FGFR2: variants seen among roughly 807,000 people sequenced by gnomAD.
FGFR2 encodes the protein fibroblast growth factor receptor 2.
A neutral mutation model predicts 95.9 loss-of-function variants in FGFR2; 19 were observed. That is an observed-to-expected ratio of 0.20 (90% CI 0.14 to 0.29). The LOEUF is 0.29. Ranked by LOEUF, FGFR2 falls within the 10% of genes least tolerant of loss-of-function variation. The pLI is 1.00. For missense variants in FGFR2, 707 were observed against 1,056.9 expected, an observed-to-expected ratio of 0.67 and a Z score of 4.59; for synonymous variants, 392 against 393.3, an observed-to-expected ratio of 1.00 and a Z score of 0.04.
intron 8 of FGFR2, among the ~76,000 whole-genome samples, chr10:121,516,364 T>C (rs556183077): frequency 6.6e-6 from 1 of 152,342 alleles, no homozygotes; most frequent in Admixed American, 6.5e-5. Flanking sequence ...GATGCAATGG[T>C]ATTATTGAAA....
intron 4 of FGFR2, among the ~76,000 whole-genome samples, chr10:121,556,753 G>A (rs1480720843): frequency 1.3e-5 from 2 of 152,044 alleles, no homozygotes; most frequent in African/African-American, 2.4e-5. Context: ...TATTTTTATG[G>A]ATGCAAAAAA....
At position 121,479,513 on chromosome 10, in the gene FGFR2, C is replaced by T; in HGVS notation, c.*344G>A. 1.5e-6 allele frequency: 2 copies of T among 1,317,610 alleles called. No individual in the cohort carries two copies. Among genetic ancestry groups the T allele is most frequent in the Non-Finnish European group, 2.1e-6 (2 of 950,176 alleles). 81.6% of individuals were successfully genotyped at this position (1,317,610 alleles called of 1,614,324 possible). A position where few individuals can be genotyped will look rare whatever the true frequency, so the allele number is the denominator to read the frequency against. On this transcript the variant is annotated 3_prime_UTR_variant, in exon 18 of 18. Coordinates refer to ENST00000358487, the MANE Select transcript of FGFR2 (RefSeq NM_000141.5). ...TGCATTTGTGCTCTGTAAGTGTGTGCTGACATAAATCTTCTCCAATTATTA... is the reference window on the plus strand; with the variant it reads ...TGCATTTGTGCTCTGTAAGTGTGTGTTGACATAAATCTTCTCCAATTATTA...
intron 2 of FGFR2, among the ~76,000 whole-genome samples, chr10:121,570,764 C>G (rs1371510206): frequency 6.6e-6 from 1 of 152,178 alleles, no homozygotes; most frequent in Non-Finnish European, 1.5e-5. Context: ...AAGAAGCAAG[C>G]AAGCTTCACA....
chr10:121,586,423 T>C (rs529870818), intron 2 of FGFR2, among the ~76,000 whole-genome samples: 1 of 152,336 alleles, frequency 6.6e-6, no homozygotes, highest in Non-Finnish European at 1.5e-5. Context: ...GAATTTACCA[T>C]TCTTTAGTTA....
chr10:121,524,149 C>CCT (rs1390521916), intron 6 of FGFR2, among the ~76,000 whole-genome samples: 4 of 150,266 alleles, frequency 2.7e-5, no homozygotes, highest in Non-Finnish European at 5.9e-5. Context: ...CACACACACC[C>CCT]CAAGTTTGCA....
chr10:121,564,462 C>T (rs752326498), intron 4 of FGFR2, 40 bp downstream of exon 4: 3 of 1,567,902 alleles, frequency 1.9e-6, no homozygotes, highest in Non-Finnish European at 2.6e-6. Flanking sequence ...TCCCTCCATG[C>T]TCCTCTCTCG....
chr10:121,507,841 G>A (rs1268793193), intron 9 of FGFR2, among the ~76,000 whole-genome samples: 1 of 152,168 alleles, frequency 6.6e-6, no homozygotes, highest in Non-Finnish European at 1.5e-5. Flanking sequence ...GGTTCTGTGT[G>A]TAAGATACAG....
At chr10:121,567,509 C>T (rs569345928) in intron 2 of FGFR2, among the ~76,000 whole-genome samples, 9 of 152,298 alleles carry the variant, frequency 5.9e-5, no homozygotes, top group South Asian at 2.1e-4. Context: ...CTGGAAGCTC[C>T]GCAGCAAGAG....
Position 121,500,933 on chromosome 10 carries a change from T to C in FGFR2, c.1454A>G (p.Lys485Arg), listed in dbSNP as rs2134012510. 4 of 1,614,150 alleles carry C rather than the reference T, an allele frequency of 2.5e-6. No individual in the cohort carries two copies. Among genetic ancestry groups the C allele is most frequent in the Non-Finnish European group, 3.4e-6 (4 of 1,180,036 alleles). Residue 485 changes from lysine to arginine, a missense_variant, in exon 11 of 18, where the codon AAG becomes AGG. Lys to Arg is a conservative substitution (Grantham distance 26, BLOSUM62 2). Transcript: ENST00000358487. ...CCCAAAGCAACCTTCTCCCAGGGGC[T>C]TGCCCAGTGTCAGCCTAAATGTGTA... Reference protein sequence around the residue: ...EFPRDKLTLGKPLGEGCFGQV... With the variant: ...EFPRDKLTLGRPLGEGCFGQV...
At chr10:121,541,683 C>A (rs750106840) in intron 5 of FGFR2, among the ~76,000 whole-genome samples, 1 of 152,022 alleles carries the variant, frequency 6.6e-6, no homozygotes. Context: ...ATTAACGATC[C>A]GGGAAATGCA....
intron 1 of FGFR2, chr10:121,596,411 G>A (rs1385628626): frequency 1.5e-5 from 3 of 196,144 alleles, no homozygotes; most frequent in African/African-American, 6.9e-5. Context: ...CCAATACAGT[G>A]CCCTCCGCTT....
At chr10:121,539,139 T>C (rs1208615899) in intron 5 of FGFR2, among the ~76,000 whole-genome samples, 1 of 152,226 alleles carries the variant, frequency 6.6e-6, no homozygotes, top group Non-Finnish European at 1.5e-5. Flanking sequence ...CTAACATTTA[T>C]AGTGAGCATT....
At chr10:121,505,043 G>T (rs1393356816) in intron 9 of FGFR2, among the ~76,000 whole-genome samples, 1 of 152,218 alleles carries the variant, frequency 6.6e-6, no homozygotes, top group Non-Finnish European at 1.5e-5. Flanking sequence ...GACTGCCCAG[G>T]TGGATAGTAC....
At chr10:121,499,430 T>C (rs930827196) in intron 11 of FGFR2, among the ~76,000 whole-genome samples, 3 of 152,188 alleles carry the variant, frequency 2.0e-5, no homozygotes, top group Non-Finnish European at 4.4e-5. Context: ...CAAGTGACTG[T>C]GTGTGCAAAA....
chr10:121,499,054 C>T (rs928632287), intron 11 of FGFR2, among the ~76,000 whole-genome samples: 3 of 152,246 alleles, frequency 2.0e-5, no homozygotes, highest in East Asian at 1.9e-4. Flanking sequence ...TAGAGCGTTC[C>T]GAGGTGGGTT....
chr10:121,491,454 C>T (rs1230721011), intron 13 of FGFR2, among the ~76,000 whole-genome samples: 3 of 152,146 alleles, frequency 2.0e-5, no homozygotes, highest in African/African-American at 7.2e-5. Flanking sequence ...AGACCAACAT[C>T]CCTATGATGT....
In FGFR2 at chr10:121,580,375, G is replaced by A. The variant is rs534934726; in HGVS notation, c.109+13334C>T. ...AGCATCCCAGCCATTTGCAAATGAA[G>A]CAGCAGCAGCTGGAGACTGGGAAAC... On this transcript the variant is annotated intron_variant, in intron 2 of 17. Transcript: ENST00000358487. Among the ~76,000 whole-genome samples, 199 of 152,346 alleles carry A rather than the reference G, an allele frequency of 1.3e-3. 1 individual carries two copies. The highest frequency in any genetic ancestry group is 4.5e-3 in the African/African-American group (187 of 41,590).
At chr10:121,547,898 C>T (rs930785835) in intron 5 of FGFR2, among the ~76,000 whole-genome samples, 1 of 152,190 alleles carries the variant, frequency 6.6e-6, no homozygotes, top group Non-Finnish European at 1.5e-5. Context: ...CCAGTGACTC[C>T]AGGACCTGGG....
intron 4 of FGFR2, among the ~76,000 whole-genome samples, chr10:121,553,810 A>C (rs978719158): frequency 6.6e-6 from 1 of 152,194 alleles, no homozygotes; most frequent in African/African-American, 2.4e-5. Context: ...TGTTCCCTAA[A>C]AAAAAAGTGG....
Sources: gnomAD v4.1 joint callset for allele counts (sites outside exome capture counted in the v4.1 genomes callset) on GRCh38, gnomAD v4.1.1 for gene constraint, MANE v1.5 for transcripts, NCBI Gene and HGNC (gene_info 2026-07-23, HGNC 2026-07-21) for gene names.